Variants in LRRC4C observed in about 807,000 individuals in gnomAD.
LRRC4C encodes leucine-rich repeat-containing protein 4C.
LRRC4C carries 5 observed loss-of-function variants against 33.6 expected under a neutral mutation model. The ratio of observed to expected loss-of-function variants is 0.15; its 90% confidence interval spans 0.08 to 0.31. The LOEUF is 0.31. LRRC4C is among the 10% of genes least tolerant of loss of function. LRRC4C has a pLI of 1.00. For missense variants in LRRC4C, 560 were observed against 796.7 expected (o/e 0.70, Z 3.58); for synonymous variants, 329 against 302.0 (o/e 1.09, Z -0.93).
chr11:40,720,766 C>T (rs375318485), intron 2 of LRRC4C, among the ~76,000 whole-genome samples: 7 of 152,152 alleles, frequency 4.6e-5, no homozygotes, highest in African/African-American at 7.2e-5. Flanking sequence ...ATTAAAGATA[C>T]GCCTTCTGTT....
At chr11:41,124,129 A>G (rs1942618295) in intron 1 of LRRC4C, among the ~76,000 whole-genome samples, 2 of 152,202 alleles carry the variant, frequency 1.3e-5, no homozygotes, top group African/African-American at 4.8e-5. Flanking sequence ...GAAACATCTT[A>G]TCAAAAATGG....
intron 1 of LRRC4C, among the ~76,000 whole-genome samples, chr11:41,266,075 T>C (rs1949142318): frequency 6.6e-6 from 1 of 152,096 alleles, no homozygotes; most frequent in African/African-American, 2.4e-5. Context: ...AAACAAATAA[T>C]ACTATGTTAA....
intron 2 of LRRC4C, among the ~76,000 whole-genome samples, chr11:40,854,433 C>T (rs951305022): frequency 2.0e-5 from 3 of 152,178 alleles, no homozygotes; most frequent in Admixed American, 1.3e-4. Flanking sequence ...TTGCTAATCT[C>T]ACCTGGGTAA....
chr11:40,612,201 T>C (rs1406118363), intron 3 of LRRC4C, among the ~76,000 whole-genome samples: 3 of 151,892 alleles, frequency 2.0e-5, no homozygotes, highest in Non-Finnish European at 2.9e-5. Context: ...TATAATATTA[T>C]TAAGCCTTAA....
At position 41,216,945 on chromosome 11, in the gene LRRC4C, C is replaced by T. The variant is rs1473005960; in HGVS notation, c.-496+242486G>A. Among the ~76,000 whole-genome samples the T allele has an allele frequency of 3.3e-5, 5 of 152,024 alleles. No homozygotes were observed. In the East Asian group the frequency reaches 9.7e-4, roughly 29 times the overall value. ...CTGAAAGAATATTCAAACTTATGCT[C>T]TTTTTTTTAGATGATATGACCAAGG... On this transcript the variant is annotated intron_variant, in intron 1 of 6. Coordinates refer to ENST00000528697, the MANE Select transcript of LRRC4C (RefSeq NM_001258419.2).
At chr11:40,405,088 C>T (rs1949910708) in intron 3 of LRRC4C, among the ~76,000 whole-genome samples, 1 of 151,850 alleles carries the variant, frequency 6.6e-6, no homozygotes, top group South Asian at 2.1e-4. Context: ...ACACTTCCTG[C>T]CCCAACCCCA....
intron 1 of LRRC4C, among the ~76,000 whole-genome samples, chr11:41,257,872 G>A (rs1197629869): frequency 6.6e-6 from 1 of 152,010 alleles, no homozygotes; most frequent in African/African-American, 2.4e-5. Context: ...TATGAAATTA[G>A]TTAGTAATGC....
At chr11:41,115,385 C>CTT (rs139129326) in intron 1 of LRRC4C, among the ~76,000 whole-genome samples, 15 of 145,614 alleles carry the variant, frequency 1.0e-4, no homozygotes, top group African/African-American at 3.8e-4. Context: ...CTTTTTTTTT[C>CTT]TTTTTTTTTT....
At chr11:41,355,168 A>G (rs889427216) in intron 1 of LRRC4C, among the ~76,000 whole-genome samples, 15 of 152,156 alleles carry the variant, frequency 9.9e-5, no homozygotes, top group Admixed American at 6.6e-4. Flanking sequence ...ACAGTACATG[A>G]ACAGACATTT....
intron 2 of LRRC4C, among the ~76,000 whole-genome samples, chr11:40,742,344 A>G (rs1335387140): frequency 6.6e-6 from 1 of 151,952 alleles, no homozygotes; most frequent in Non-Finnish European, 1.5e-5. Flanking sequence ...GGATGTCTCA[A>G]ATTATTATTT....
chr11:40,222,750 G>A (rs764589114), intron 5 of LRRC4C, among the ~76,000 whole-genome samples: 2 of 152,192 alleles, frequency 1.3e-5, no homozygotes, highest in African/African-American at 2.4e-5. Context: ...AGTGGATTAG[G>A]ATGACTCCAC....
intron 2 of LRRC4C, among the ~76,000 whole-genome samples, chr11:40,725,375 G>C (rs571834064): frequency 6.6e-6 from 1 of 152,196 alleles, no homozygotes; most frequent in Non-Finnish European, 1.5e-5. Flanking sequence ...GGGCATGGTG[G>C]CAGGTGCTTG....
chr11:41,359,750 C>T (rs1952284416), intron 1 of LRRC4C, among the ~76,000 whole-genome samples: 1 of 152,022 alleles, frequency 6.6e-6, no homozygotes, highest in Non-Finnish European at 1.5e-5. Context: ...AATAAAGTGC[C>T]TGAGGTTTTC....
At chr11:40,681,643 T>C (rs1170631232) in intron 2 of LRRC4C, among the ~76,000 whole-genome samples, 1 of 151,658 alleles carries the variant, frequency 6.6e-6, no homozygotes, top group East Asian at 1.9e-4. Flanking sequence ...CTTACACCTG[T>C]AATCCCAACA....
chr11:40,538,927 G>C (rs1956590338), intron 3 of LRRC4C, among the ~76,000 whole-genome samples: 1 of 152,078 alleles, frequency 6.6e-6, no homozygotes, highest in African/African-American at 2.4e-5. Flanking sequence ...TCTGTTGTCT[G>C]CATAAATGTC....
intron 2 of LRRC4C, among the ~76,000 whole-genome samples, chr11:40,685,485 GAA>G (rs1565633912): frequency 6.6e-6 from 1 of 151,830 alleles, no homozygotes; most frequent in Non-Finnish European, 1.5e-5. Context: ...GATCTAAAGA[GAA>G]TATTTATAGA....
At chr11:40,734,550 C>A (rs745358406) in intron 2 of LRRC4C, among the ~76,000 whole-genome samples, 31 of 152,090 alleles carry the variant, frequency 2.0e-4, no homozygotes, top group Non-Finnish European at 1.5e-4. Context: ...AGGTTAAAAA[C>A]GGATCCCTCC....
At chr11:40,321,837 T>C (rs1565270866) in intron 3 of LRRC4C, among the ~76,000 whole-genome samples, 1 of 152,234 alleles carries the variant, frequency 6.6e-6, no homozygotes, top group Non-Finnish European at 1.5e-5. Context: ...AACAAAATGA[T>C]GTCTCCTCCT....
chr11:40,703,010 T>C (rs1945951151), intron 2 of LRRC4C, among the ~76,000 whole-genome samples: 1 of 152,114 alleles, frequency 6.6e-6, no homozygotes, highest in African/African-American at 2.4e-5. Context: ...ACATATTAGC[T>C]TTAAAATAAG....
Sources: gnomAD v4.1 joint callset for allele counts (sites outside exome capture counted in the v4.1 genomes callset) on GRCh38, gnomAD v4.1.1 for gene constraint, MANE v1.5 for transcripts, NCBI Gene and HGNC (gene_info 2026-07-23, HGNC 2026-07-21) for gene names.